Variants in ABCB1 observed in about 807,000 individuals in gnomAD.
The protein encoded by ABCB1 is ATP-dependent translocase ABCB1.
In ABCB1, 69 loss-of-function variants were observed where a neutral mutation model predicts 142.0. The ratio of observed to expected loss-of-function variants is 0.49; its 90% CI spans 0.40 to 0.59. The LOEUF is 0.59. Ranked by LOEUF, ABCB1 falls within the 20% of genes least tolerant of loss-of-function variation. The pLI is 0.00. For missense variants in ABCB1, 1,326 were observed against 1,554.7 expected, an observed-to-expected ratio of 0.85 and a Z score of 2.47; for synonymous variants, 532 against 539.2, an observed-to-expected ratio of 0.99 and a Z score of 0.18.
intron 21 of ABCB1, among the ~76,000 whole-genome samples, chr7:87,527,360 T>G (rs539218765): frequency 6.6e-6 from 1 of 152,276 alleles, no homozygotes; most frequent in African/African-American, 2.4e-5. Flanking sequence ...AAGTGCAAGG[T>G]TTTTGCACCT....
intron 1 of ABCB1, among the ~76,000 whole-genome samples, chr7:87,687,980 G>T (rs572952193): frequency 6.6e-6 from 1 of 152,188 alleles, no homozygotes; most frequent in South Asian, 2.1e-4. Context: ...GACTTAAATT[G>T]TTTCTGTAGT....
intron 4 of ABCB1, among the ~76,000 whole-genome samples, chr7:87,576,477 A>T (rs1818279134): frequency 6.7e-6 from 1 of 150,024 alleles, no homozygotes; most frequent in Admixed American, 6.7e-5. Flanking sequence ...ATACTTTTAC[A>T]CACATATATA....
At chr7:87,610,232 CTTTTTTTTTTTT>C (rs914468581) in intron 1 of ABCB1, among the ~76,000 whole-genome samples, 1 of 117,056 alleles carries the variant, frequency 8.5e-6, no homozygotes, top group Non-Finnish European at 1.8e-5. Flanking sequence ...CTTTTTCTTT[CTTTTTTTTTTTT>C]TTTTTTTTTC....
Position 87,585,550 on chromosome 7 carries a change from CCTGCATT to C in ABCB1, c.241_247del (p.Asn81GlufsTer3). On this transcript the variant is annotated frameshift_variant, in exon 4 of 28. Transcript: ENST00000622132. LOFTEE classifies it high-confidence loss of function. ...GTTTGACATCAGATCTTCTAAATTT[CCTGCATT>C]TGCAAAGATATCTGTCATTTCTCCA... 1 of 1,613,852 alleles carries C rather than the reference CCTGCATT, an allele frequency of 6.2e-7. No homozygotes were observed. The highest frequency in any genetic ancestry group is 8.5e-7 in the Non-Finnish European group (1 of 1,179,864).
intron 1 of ABCB1, among the ~76,000 whole-genome samples, chr7:87,634,682 A>G (rs1373872632): frequency 6.6e-6 from 1 of 151,310 alleles, no homozygotes; most frequent in Non-Finnish European, 1.5e-5. Flanking sequence ...TTTTTTTGTT[A>G]CTATTTGGTT....
chr7:87,643,126 C>G (rs568139959), intron 1 of ABCB1, among the ~76,000 whole-genome samples: 2 of 152,272 alleles, frequency 1.3e-5, no homozygotes, highest in East Asian at 1.9e-4. Context: ...CTTTGTTGCT[C>G]AAACTCCTGA....
intron 5 of ABCB1, among the ~76,000 whole-genome samples, chr7:87,569,702 G>A (rs1817955404): frequency 6.6e-6 from 1 of 152,120 alleles, no homozygotes; most frequent in Non-Finnish European, 1.5e-5. Context: ...GTGGGGGGGT[G>A]TGGGGGACAG....
At chr7:87,619,471 A>G (rs376389507) in intron 1 of ABCB1, among the ~76,000 whole-genome samples, 1 of 151,600 alleles carries the variant, frequency 6.6e-6, no homozygotes, top group African/African-American at 2.4e-5. Context: ...CCCAGGAGGC[A>G]GAGGTTGCAG....
At chr7:87,648,296 C>G (rs1239676722) in intron 1 of ABCB1, among the ~76,000 whole-genome samples, 2 of 151,678 alleles carry the variant, frequency 1.3e-5, no homozygotes, top group African/African-American at 4.8e-5. Flanking sequence ...GGAATGTGCA[C>G]ATTTCTCCTG....
chr7:87,556,889 C>T (rs990058337), intron 8 of ABCB1, among the ~76,000 whole-genome samples: 2 of 152,110 alleles, frequency 1.3e-5, no homozygotes, highest in East Asian at 3.9e-4. Flanking sequence ...TTCAACTGAG[C>T]TTCAGTCATG....
chr7:87,515,324 GC>G lies in ABCB1; in HGVS notation c.3188del (p.Gly1063AlafsTer39). ...TGCTGCCCACCAGAGCCAGCGTCTG[GC>G]CCTTCTTCACCTCCAGGCTCAGTCC... Reference protein sequence around the residue: ...LQGLSLEVKKGQTLALVGSSG... With the variant: ...LQGLSLEVKKXQTLALVGSSG... On this transcript the variant is annotated frameshift_variant, in exon 25 of 28. Coordinates refer to ENST00000622132, the MANE Select transcript of ABCB1 (RefSeq NM_001348946.2). LOFTEE classifies it high-confidence loss of function. The G allele has an allele frequency of 6.2e-7, 1 of 1,614,176 alleles. No homozygotes were observed. Among genetic ancestry groups the G allele is most frequent in the Non-Finnish European group, 8.5e-7 (1 of 1,180,018 alleles).
At chr7:87,647,591 T>C (rs1280541433) in intron 1 of ABCB1, among the ~76,000 whole-genome samples, 3 of 152,238 alleles carry the variant, frequency 2.0e-5, no homozygotes, top group Non-Finnish European at 4.4e-5. Flanking sequence ...CAGGCAGTTC[T>C]TACTTTGCAT....
At chr7:87,624,378 G>T (rs1221521438) in intron 1 of ABCB1, among the ~76,000 whole-genome samples, 1 of 152,156 alleles carries the variant, frequency 6.6e-6, no homozygotes, top group African/African-American at 2.4e-5. Context: ...ATAAACTATG[G>T]TTTGGTGATC....
chr7:87,625,937 A>C (rs1214684849), intron 1 of ABCB1, among the ~76,000 whole-genome samples: 1 of 150,578 alleles, frequency 6.6e-6, no homozygotes, highest in African/African-American at 2.4e-5. Context: ...ATTAGTTAAG[A>C]CTGACACTAT....
chr7:87,626,099 T>TATATA (rs199877301), intron 1 of ABCB1, among the ~76,000 whole-genome samples: 4 of 95,500 alleles, frequency 4.2e-5, no homozygotes, highest in African/African-American at 1.6e-4. Flanking sequence ...TATATATATA[T>TATATA]TGTCATATAT....
rs563014739 is a variant in ABCB1, at chr7:87,590,974, G to C, written c.117+4792C>G. Among the ~76,000 whole-genome samples, 4 of 152,306 alleles carry C rather than the reference G, an allele frequency of 2.6e-5. No homozygotes were observed. In the South Asian group the frequency reaches 8.3e-4, roughly 32 times the overall value. On this transcript the variant is annotated intron_variant, in intron 3 of 27. Transcript: ENST00000622132. ...CAGAATAATTCTCCCCCCACAGCCTGTCCAAATCCTAATCCCAGGAACCTG... is the reference window on the plus strand; with the variant it reads ...CAGAATAATTCTCCCCCCACAGCCTCTCCAAATCCTAATCCCAGGAACCTG...
chr7:87,604,531 GA>G (rs1819577448), upstream of ABCB1, among the ~76,000 whole-genome samples: 1 of 152,044 alleles, frequency 6.6e-6, no homozygotes, highest in Non-Finnish European at 1.5e-5. Flanking sequence ...GATGATAGGG[GA>G]TATTAAATGA....
At chr7:87,649,687 G>T (rs1390736761) in intron 1 of ABCB1, among the ~76,000 whole-genome samples, 1 of 152,056 alleles carries the variant, frequency 6.6e-6, no homozygotes, top group Non-Finnish European at 1.5e-5. Flanking sequence ...AAAAATTTTG[G>T]ATGTTGAAAT....
rs771775633 is a variant in ABCB1, at chr7:87,505,960, A to G, written c.3573T>C (p.Val1191=). Residue 1191 remains valine (V), a synonymous_variant, in exon 27 of 28, where the codon GTT becomes GTC. Coordinates refer to ENST00000622132, the MANE Select transcript of ABCB1 (RefSeq NM_001348946.2). ...CCAAAAGCAAAATATGAGGCTGTCT[A>G]ACAAGGGCACGAGCTATGGCAATGC... is the stretch of plus-strand genomic sequence containing the variant. ...KQRIAIARAL[V]RQPHILLLDE... is the part of the protein sequence containing the mutation. 1 of 1,614,218 alleles carries G rather than the reference A, an allele frequency of 6.2e-7. No individual in the cohort carries two copies. The highest frequency in any genetic ancestry group is 1.1e-5 in the South Asian group (1 of 91,088).
Sources: gnomAD v4.1 joint callset for allele counts (sites outside exome capture counted in the v4.1 genomes callset) on GRCh38, gnomAD v4.1.1 for gene constraint, MANE v1.5 for transcripts, NCBI Gene and HGNC (gene_info 2026-07-23, HGNC 2026-07-21) for gene names.